TRAFD1: variants seen among roughly 807,000 people sequenced by gnomAD.
The protein encoded by TRAFD1 is TRAF-type zinc finger domain containing 1.
TRAFD1 carries 38 observed loss-of-function variants against 65.3 expected under a neutral mutation model. The observed-to-expected ratio is 0.58, with a 90% confidence interval of 0.45 to 0.76. TRAFD1 has a LOEUF of 0.76. TRAFD1 is among the 30% of genes least tolerant of loss of function. The probability of loss-of-function intolerance (pLI) is 0.00; values close to 1 mark genes in which losing one functional copy is unlikely to be tolerated. For synonymous variants in TRAFD1, 223 were observed against 257.2 expected (o/e 0.87, Z 1.27); for missense variants, 631 against 712.6 (o/e 0.89, Z 1.30).
At chr12:112,140,030 A>G in intron 4 of TRAFD1, 1 of 200,120 alleles carries the variant, frequency 5.0e-6, no homozygotes, top group East Asian at 1.6e-4. Context: ...ATAATAATAA[A>G]TGAAAAATAA....
intron 4 of TRAFD1, 117 bp downstream of exon 4, chr12:112,135,183 G>C: frequency 1.7e-6 from 2 of 1,197,248 alleles, no homozygotes; most frequent in Non-Finnish European, 2.4e-6. Context: ...CATGCATACT[G>C]TTTCTCAAAG....
intron 2 of TRAFD1, among the ~76,000 whole-genome samples, chr12:112,132,066 A>G (rs1444044997): frequency 2.6e-5 from 4 of 152,196 alleles, no homozygotes; most frequent in African/African-American, 9.7e-5. Flanking sequence ...TAGTGTCTCC[A>G]TATTTACCAT....
rs1419342844 is a variant in TRAFD1, at chr12:112,152,520, T to C, written c.1692+21T>C. Reference sequence around the variant, plus strand: ...CAAAGGTAAGGTGGGCTCCAGCCCATGATGCTCAGTGGGGGACTCAGACAT... The same window carrying C: ...CAAAGGTAAGGTGGGCTCCAGCCCACGATGCTCAGTGGGGGACTCAGACAT... On this transcript the variant is annotated intron_variant, in intron 11 of 11. Transcript: ENST00000412615. The surrounding 1 kb of genome is among the most constrained non-coding windows in gnomAD (Gnocchi z 5.0). 3.7e-6 allele frequency: 6 copies of C among 1,613,758 alleles called. No individual in the cohort carries two copies. Among genetic ancestry groups the C allele is most frequent in the Non-Finnish European group, 5.1e-6 (6 of 1,179,842 alleles).
intron 6 of TRAFD1, 74 bp downstream of exon 6, chr12:112,142,369 A>G (rs549651392): frequency 6.8e-7 from 1 of 1,468,694 alleles, no homozygotes; most frequent in Non-Finnish European, 9.2e-7. Context: ...ATTCTTATAC[A>G]ATTGAAAGAT....
chr12:112,135,569 G>T (rs1295748613), intron 4 of TRAFD1, among the ~76,000 whole-genome samples: 1 of 151,930 alleles, frequency 6.6e-6, no homozygotes, highest in Non-Finnish European at 1.5e-5. Context: ...GAGTAGCTGG[G>T]ATTATAGGCG....
Position 112,152,950 on chromosome 12 carries a change from T to G in TRAFD1, c.*159T>G. ...TTTTGTGTCTTTTGAGGTTGTGCTG[T>G]GGGGGTTTGGGTTTGAGGGAAGGGA... On this transcript the variant is annotated 3_prime_UTR_variant, in exon 12 of 12. Coordinates refer to ENST00000412615, the MANE Select transcript of TRAFD1 (RefSeq NM_006700.3). The surrounding 1 kb of genome is among the most constrained non-coding windows in gnomAD (Gnocchi z 5.0). 1 of 772,180 alleles carries G rather than the reference T, an allele frequency of 1.3e-6. No individual in the cohort carries two copies. The allele number at this position is 772,180 out of a possible 1,614,324, so 47.8% of individuals were successfully genotyped here.
At position 112,134,001 on chromosome 12, in the gene TRAFD1, A is replaced by ATTT. The variant is rs545753010; in HGVS notation, c.48-713_48-711dup. ...CGTTACTGCACCTGGAAAGGATTTAATTTTTTTTTTTTTTTTTTTTTTTTT... is the reference window on the plus strand; with the variant it reads ...CGTTACTGCACCTGGAAAGGATTTAATTTTTTTTTTTTTTTTTTTTTTTTTTTT... On this transcript the variant is annotated intron_variant, in intron 2 of 11. Transcript: ENST00000412615. Among the ~76,000 whole-genome samples the ATTT allele has an allele frequency of 2.0e-3, 191 of 95,146 alleles. 4 individuals are homozygous for ATTT. Among genetic ancestry groups the ATTT allele is most frequent in the South Asian group, 3.6e-3 (9 of 2,468 alleles). 62.4% of individuals were successfully genotyped at this position (95,146 alleles called of 152,430 possible). A position where few individuals can be genotyped will look rare whatever the true frequency, so the allele number is the denominator to read the frequency against.
rs1191750606 is a variant in TRAFD1 at position 112,142,648 on chromosome 12, C to CA, written c.850+363dup. Among the ~76,000 whole-genome samples the CA allele has an allele frequency of 1.1e-3, 154 of 139,478 alleles. 3 individuals carry two copies. The highest frequency in any genetic ancestry group is 7.3e-3 in the Middle Eastern group (2 of 274). 91.5% of individuals were successfully genotyped at this position (139,478 alleles called of 152,430 possible). On this transcript the variant is annotated intron_variant, in intron 6 of 11. Transcript: ENST00000412615. ...CTGGTGACAGAGTGACACCTTGTCT[C>CA]AAAAAAAAAAGGCTCTAAAGGACAT...
At position 112,152,842 on chromosome 12, in the gene TRAFD1, A is replaced by G. The variant is rs2030447672; in HGVS notation, c.*51A>G. On this transcript the variant is annotated 3_prime_UTR_variant, in exon 12 of 12. Coordinates refer to ENST00000412615, the MANE Select transcript of TRAFD1 (RefSeq NM_006700.3). The surrounding 1 kb of genome is among the most constrained non-coding windows in gnomAD (Gnocchi z 5.0). Reference sequence around the variant, plus strand: ...GTTCCTGTCTTCTGTGCACAGCAGCACTTGCCGCTGTGCAGGCCCACCTCT... The same window carrying G: ...GTTCCTGTCTTCTGTGCACAGCAGCGCTTGCCGCTGTGCAGGCCCACCTCT... 6.2e-7 allele frequency: 1 copy of G among 1,607,578 alleles called. No individual in the cohort carries two copies. Among genetic ancestry groups the G allele is most frequent in the African/African-American group, 1.3e-5 (1 of 74,846 alleles).
intron 4 of TRAFD1, among the ~76,000 whole-genome samples, chr12:112,139,919 T>C (rs1255758551): frequency 2.0e-5 from 3 of 152,086 alleles, no homozygotes; most frequent in African/African-American, 7.2e-5. Flanking sequence ...CAAGGATTGC[T>C]TGAACCCGAG....
intron 4 of TRAFD1, among the ~76,000 whole-genome samples, chr12:112,138,999 G>A (rs1254037347): frequency 6.6e-6 from 1 of 152,102 alleles, no homozygotes; most frequent in Non-Finnish European, 1.5e-5. Context: ...CAGAGGAACA[G>A]GGGAGAAGAG....
chr12:112,153,219 C>CGCA lies in TRAFD1; in HGVS notation c.*429_*430insCAG. On this transcript the variant is annotated 3_prime_UTR_variant, in exon 12 of 12. Transcript: ENST00000412615. ...TTTTGGGCAACCTCTCCGTGTACTGCGTCTGTCCACACTCGATTGGGCCCC... is the reference window on the plus strand; with the variant it reads ...TTTTGGGCAACCTCTCCGTGTACTGCGCAGTCTGTCCACACTCGATTGGGCCCC... 5.7e-6 allele frequency: 1 copy of CGCA among 175,518 alleles called. No homozygotes were observed. The highest frequency in any genetic ancestry group is 1.6e-4 in the East Asian group (1 of 6,180). The allele number at this position is 175,518 out of a possible 1,614,324, so 10.9% of individuals were successfully genotyped here.
chr12:112,145,502 A>G lies in TRAFD1; in HGVS notation c.851-84A>G, dbSNP rs369655091. 102 of 1,365,374 alleles carry G rather than the reference A, an allele frequency of 7.5e-5. No individual in the cohort carries two copies. The East Asian group carries it at 2.0e-3, about 27-fold the overall frequency. The allele number at this position is 1,365,374 out of a possible 1,614,324, so 84.6% of individuals were successfully genotyped here. On this transcript the variant is annotated intron_variant, in intron 6 of 11. Coordinates refer to ENST00000412615, the MANE Select transcript of TRAFD1 (RefSeq NM_006700.3). ...ACATTAAAGAAAGCCAAACTTCTATATAAGACCCCATAAAGAGGATAAAAA... is the reference window on the plus strand; with the variant it reads ...ACATTAAAGAAAGCCAAACTTCTATGTAAGACCCCATAAAGAGGATAAAAA...
chr12:112,147,038 C>G (rs779265359), intron 7 of TRAFD1, among the ~76,000 whole-genome samples: 1 of 111,076 alleles, frequency 9.0e-6, no homozygotes, highest in Non-Finnish European at 1.6e-5. Flanking sequence ...CTCACTCTGT[C>G]GCCTAGGCTG....
intron 8 of TRAFD1, 77 bp from the exon 9 acceptor site, chr12:112,149,674 T>G: frequency 6.3e-7 from 1 of 1,585,188 alleles, no homozygotes; most frequent in Non-Finnish European, 8.6e-7. Context: ...AGGAATACAC[T>G]GCTGTTCCTC....
chr12:112,129,220 G>C (rs1254396767), intron 1 of TRAFD1, among the ~76,000 whole-genome samples: 1 of 36,272 alleles, frequency 2.8e-5, no homozygotes, highest in Admixed American at 3.2e-4. Flanking sequence ...TTTTTTTTTT[G>C]AGACAGGATC....
intron 8 of TRAFD1, 94 bp from the exon 9 acceptor site, chr12:112,149,657 C>T (rs2030346759): frequency 6.5e-7 from 1 of 1,531,200 alleles, no homozygotes. Flanking sequence ...AAGTCCCCCT[C>T]CAGATGAGGA....
In TRAFD1 at chr12:112,137,033, G is replaced by A. The variant is rs999346304; in HGVS notation, c.237+1967G>A. On this transcript the variant is annotated intron_variant, in intron 4 of 11. Transcript: ENST00000412615. This position sits in a 1 kb window ranked among gnomAD's most constrained non-coding sequence, Gnocchi z 4.2. The stretch of plus-strand genomic sequence containing the variant: ...GGGTCAGGAGTTCGAGACCAGCCTG[G>A]CCAATATGGTGAAACCCCGTCTCTA... Among the ~76,000 whole-genome samples, 1 of 152,140 alleles carries A rather than the reference G, an allele frequency of 6.6e-6. No individual in the cohort carries two copies. Among genetic ancestry groups the A allele is most frequent in the African/African-American group, 2.4e-5 (1 of 41,440 alleles).
intron 4 of TRAFD1, among the ~76,000 whole-genome samples, chr12:112,135,799 G>A (rs547806688): frequency 1.3e-5 from 2 of 150,710 alleles, no homozygotes; most frequent in South Asian, 2.1e-4. Context: ...TCATTTGCTC[G>A]CTAGTTGAGA....
Sources: gnomAD v4.1 joint callset for allele counts (sites outside exome capture counted in the v4.1 genomes callset) on GRCh38, gnomAD v4.1.1 for gene constraint, Gnocchi (gnomAD v3.1) non-coding constraint, MANE v1.5 for transcripts, NCBI Gene and HGNC (gene_info 2026-07-23, HGNC 2026-07-21) for gene names.